The following ROBO2 variants were observed in gnomAD, a reference collection of about 807,000 sequenced individuals.
ROBO2 encodes the protein roundabout guidance receptor 2, also known as roundabout homolog 2.
Under a neutral mutation model 160.8 loss-of-function variants are expected in ROBO2, and 53 were observed. That is an observed-to-expected ratio of 0.33 (90% CI 0.26 to 0.41). The LOEUF (loss-of-function observed/expected upper bound fraction) is 0.41, where lower values mean the gene tolerates loss of function less well. Ranked by LOEUF, ROBO2 falls within the 10% of genes least tolerant of loss-of-function variation. The pLI, the probability that ROBO2 is intolerant of heterozygous loss-of-function variation, is 1.00. For synonymous variants in ROBO2, 664 were observed against 611.7 expected, an observed-to-expected ratio of 1.09 and a Z score of -1.26; for missense variants, 1,577 against 1,722.4, an observed-to-expected ratio of 0.92 and a Z score of 1.49.
rs1404100442 is a variant in ROBO2, at chr3:76,404,170, TG to T, written c.109+466571del. ...TCCATCAAGACCACATCAACTGGGT[TG>T]GGAGAATCACATTCACATAGAAGGA... On this transcript the variant is annotated intron_variant, in intron 2 of 26. Transcript: ENST00000487694. Among the ~76,000 whole-genome samples, 4 of 151,756 alleles carry T rather than the reference TG, an allele frequency of 2.6e-5. 1 individual carries two copies. Among genetic ancestry groups the T allele is most frequent in the African/African-American group, 9.6e-5 (4 of 41,498 alleles).
chr3:76,896,167 G>A (rs911822114), intron 2 of ROBO2, among the ~76,000 whole-genome samples: 1 of 152,164 alleles, frequency 6.6e-6, no homozygotes, highest in Non-Finnish European at 1.5e-5. Flanking sequence ...TATTATTAAT[G>A]TACACATTAT....
chr3:75,911,818 A>G (rs1946605250), intron 1 of ROBO2, among the ~76,000 whole-genome samples: 1 of 151,654 alleles, frequency 6.6e-6, no homozygotes, highest in Admixed American at 6.6e-5. Flanking sequence ...GGCCTCCCAA[A>G]GTGCTGGGAT....
intron 2 of ROBO2, among the ~76,000 whole-genome samples, chr3:76,603,102 C>A (rs1006104612): frequency 6.6e-6 from 1 of 151,440 alleles, no homozygotes; most frequent in East Asian, 2.0e-4. Context: ...GAGGCCGAGG[C>A]GGGCAGATCA....
intron 2 of ROBO2, among the ~76,000 whole-genome samples, chr3:76,400,221 A>G (rs186282764): frequency 1.3e-5 from 2 of 151,750 alleles, no homozygotes; most frequent in Admixed American, 6.6e-5. Flanking sequence ...ATCTTAAGAT[A>G]TCTAGACACT....
intron 2 of ROBO2, among the ~76,000 whole-genome samples, chr3:77,407,993 C>G (rs2076393166): frequency 6.6e-6 from 1 of 151,884 alleles, no homozygotes; most frequent in Admixed American, 6.6e-5. Flanking sequence ...TGGAAAGGTG[C>G]ATGCACTTCC....
chr3:76,096,902 C>T (rs2069474330), intron 2 of ROBO2, among the ~76,000 whole-genome samples: 1 of 152,080 alleles, frequency 6.6e-6, no homozygotes, highest in Admixed American at 6.5e-5. Context: ...TAGTGAGAAA[C>T]ATGCATTGGA....
At chr3:76,291,220 A>C (rs969022849) in intron 2 of ROBO2, among the ~76,000 whole-genome samples, 23 of 152,068 alleles carry the variant, frequency 1.5e-4, no homozygotes, top group Non-Finnish European at 2.1e-4. Context: ...CAACTTTGGA[A>C]TTTGTTATTG....
intron 2 of ROBO2, among the ~76,000 whole-genome samples, chr3:76,539,040 T>G (rs1350783082): frequency 6.6e-6 from 1 of 152,138 alleles, no homozygotes; most frequent in Admixed American, 6.5e-5. Flanking sequence ...TCACGTCCTT[T>G]GCAGGGACAT....
At chr3:77,013,587 A>G (rs992128329) in intron 2 of ROBO2, among the ~76,000 whole-genome samples, 1 of 152,186 alleles carries the variant, frequency 6.6e-6, no homozygotes, top group African/African-American at 2.4e-5. Flanking sequence ...AACAGCCTAG[A>G]TAATGCTCAT....
At chr3:76,922,759 G>A (rs763341935) in intron 2 of ROBO2, among the ~76,000 whole-genome samples, 3 of 152,188 alleles carry the variant, frequency 2.0e-5, no homozygotes, top group Non-Finnish European at 2.9e-5. Flanking sequence ...TGATGGATTG[G>A]CTCTGGGCCA....
At chr3:77,089,637 T>C (rs575508819) in intron 1 of ROBO2, among the ~76,000 whole-genome samples, 16 of 152,338 alleles carry the variant, frequency 1.1e-4, no homozygotes, top group Non-Finnish European at 2.1e-4. Flanking sequence ...AATAATCTTA[T>C]AAATTTATTT....
intron 2 of ROBO2, among the ~76,000 whole-genome samples, chr3:77,358,210 C>A (rs186927488): frequency 9.7e-4 from 148 of 152,254 alleles, no homozygotes; most frequent in Admixed American, 1.8e-3. Flanking sequence ...CTTGGAGACT[C>A]TAGGTAGACT....
intron 2 of ROBO2, among the ~76,000 whole-genome samples, chr3:77,106,100 C>T (rs999660278): frequency 2.0e-5 from 3 of 152,044 alleles, no homozygotes; most frequent in African/African-American, 4.8e-5. Context: ...TGGAGTGCAG[C>T]GGTGTGATCT....
chr3:76,781,051 A>C (rs2062611082), intron 2 of ROBO2, among the ~76,000 whole-genome samples: 1 of 150,722 alleles, frequency 6.6e-6, no homozygotes, highest in African/African-American at 2.4e-5. Flanking sequence ...CACAAATATG[A>C]AATATTTTTC....
intron 2 of ROBO2, among the ~76,000 whole-genome samples, chr3:76,961,896 C>G (rs1483718711): frequency 6.6e-6 from 1 of 152,098 alleles, no homozygotes; most frequent in African/African-American, 2.4e-5. Context: ...GTCAACATAA[C>G]TCGATTTAAA....
chr3:76,925,778 C>T (rs1032614976), intron 2 of ROBO2, among the ~76,000 whole-genome samples: 1 of 152,000 alleles, frequency 6.6e-6, no homozygotes, highest in Non-Finnish European at 1.5e-5. Context: ...ATCTGGTGAC[C>T]GAAACAAGTT....
At chr3:76,094,510 T>G (rs994495853) in intron 2 of ROBO2, among the ~76,000 whole-genome samples, 3 of 152,214 alleles carry the variant, frequency 2.0e-5, no homozygotes, top group African/African-American at 7.2e-5. Flanking sequence ...AAGGAAAGAA[T>G]TAAGTCTTCT....
chr3:77,173,636 C>T (rs7632054), intron 2 of ROBO2, among the ~76,000 whole-genome samples: 58,024 of 151,700 alleles, frequency 0.38, 11,827 homozygotes, highest in Middle Eastern at 0.54. Flanking sequence ...CATTTTTTTA[C>T]GTAGAAGACA....
chr3:76,078,660 C>T (rs375023807), intron 2 of ROBO2, among the ~76,000 whole-genome samples: 31 of 152,158 alleles, frequency 2.0e-4, no homozygotes, highest in African/African-American at 7.0e-4. Context: ...CCACCATGCA[C>T]GGCCTCAGTA....
Sources: gnomAD v4.1 joint callset for allele counts (sites outside exome capture counted in the v4.1 genomes callset) on GRCh38, gnomAD v4.1.1 for gene constraint, MANE v1.5 for transcripts, NCBI Gene and HGNC (gene_info 2026-07-23, HGNC 2026-07-21) for gene names.